PCAT7: variants seen among roughly 807,000 people sequenced by gnomAD.
PCAT7 encodes the protein prostate cancer associated transcript 7.
intron 2 of PCAT7, chr9:94,570,880 A>C (rs1353542503): frequency 6.6e-6 from 1 of 152,166 alleles, no homozygotes; most frequent in East Asian, 1.9e-4. Flanking sequence ...CGCTGTCTGG[A>C]GTGGTGCTTT....
chr9:94,569,475 G>A (rs1025965111), intron 2 of PCAT7: 2 of 152,252 alleles, frequency 1.3e-5, no homozygotes, highest in Non-Finnish European at 2.9e-5. Context: ...CTCACCACCT[G>A]AACAGAGGCG....
intron 3 of PCAT7, among the ~76,000 whole-genome samples, chr9:94,573,816 C>G (rs1390654061): frequency 6.6e-6 from 1 of 152,140 alleles, no homozygotes; most frequent in Non-Finnish European, 1.5e-5. Flanking sequence ...GTTTTTGTAT[C>G]AGGATAACAC....
chr9:94,563,249 G>T, intron 2 of PCAT7: 1 of 1,396,664 alleles, frequency 7.2e-7, no homozygotes. Context: ...GACATGCCAT[G>T]AAGCAGTGCA....
At chr9:94,573,513 C>T (rs1827289221) in intron 3 of PCAT7, among the ~76,000 whole-genome samples, 1 of 114,450 alleles carries the variant, frequency 8.7e-6, no homozygotes, top group South Asian at 3.0e-4. Flanking sequence ...CCTACCTCAG[C>T]AAGTTTCTTT....
chr9:94,555,891 G>A (rs989532980), intron 1 of PCAT7, among the ~76,000 whole-genome samples: 1 of 150,194 alleles, frequency 6.7e-6, no homozygotes, highest in Non-Finnish European at 1.5e-5. Flanking sequence ...AAAATAGTTT[G>A]GGGTAGATGG....
At chr9:94,555,573 A>T (rs1035325055) in intron 1 of PCAT7, among the ~76,000 whole-genome samples, 3 of 140,852 alleles carry the variant, frequency 2.1e-5, no homozygotes, top group African/African-American at 7.8e-5. Flanking sequence ...TGGGAAGAGG[A>T]AAGAGTGGTG....
intron 2 of PCAT7, chr9:94,568,411 T>G (rs609901): frequency 0.49 from 73,877 of 151,948 alleles, 18,569 homozygotes; most frequent in African/African-American, 0.6. Context: ...TCTGGTGATA[T>G]CAGTCACTAA....
chr9:94,563,567 C>G, intron 2 of PCAT7: 1 of 1,240,944 alleles, frequency 8.1e-7, no homozygotes, highest in East Asian at 2.4e-5. Context: ...TTCTTGAATC[C>G]CTATCCTCCA....
intron 2 of PCAT7, chr9:94,567,514 C>G: frequency 7.2e-7 from 1 of 1,386,002 alleles, no homozygotes. Context: ...GCTGGCAGAG[C>G]TGGGGCTTGG....
chr9:94,569,518 T>TA (rs1346749368), intron 2 of PCAT7: 1 of 152,286 alleles, frequency 6.6e-6, no homozygotes, highest in African/African-American at 2.4e-5. Flanking sequence ...GAAAACGCCT[T>TA]ACGTTGATCC....
chr9:94,562,127 T>A (rs376241248), intron 2 of PCAT7, among the ~76,000 whole-genome samples: 1 of 151,730 alleles, frequency 6.6e-6, no homozygotes, highest in Non-Finnish European at 1.5e-5. Flanking sequence ...CTGGCTAACA[T>A]GGTGAAACCC....
intron 2 of PCAT7, chr9:94,567,173 A>C: frequency 7.8e-7 from 1 of 1,274,480 alleles, no homozygotes. Context: ...AAACAGTGGC[A>C]CCAACCTCTT....
chr9:94,573,001 G>A (rs1395885407), exon 3 of PCAT7: 2 of 152,082 alleles, frequency 1.3e-5, no homozygotes, highest in African/African-American at 4.8e-5. Context: ...TTTCTACATA[G>A]ACCATCATGT....
intron 1 of PCAT7, among the ~76,000 whole-genome samples, chr9:94,557,894 C>G (rs1827033256): frequency 6.6e-6 from 1 of 152,208 alleles, no homozygotes; most frequent in African/African-American, 2.4e-5. Flanking sequence ...CAACCCCTCC[C>G]CAGTCTTAAC....
At chr9:94,565,311 G>A (rs1006714287) in intron 2 of PCAT7, among the ~76,000 whole-genome samples, 2 of 145,744 alleles carry the variant, frequency 1.4e-5, no homozygotes, top group Non-Finnish European at 3.0e-5. Context: ...GGAGGCGGAG[G>A]TTGCAGTGAG....
At chr9:94,570,093 T>C (rs693399) in intron 2 of PCAT7, 40,192 of 152,244 alleles carry the variant, frequency 0.26, 6,720 homozygotes, top group East Asian at 0.53. Context: ...CTCTTCCTTC[T>C]GTCATGTTGA....
intron 3 of PCAT7, among the ~76,000 whole-genome samples, chr9:94,574,510 G>A: frequency 6.6e-6 from 1 of 151,878 alleles, no homozygotes; most frequent in East Asian, 1.9e-4. Context: ...TCAACTTCTT[G>A]TTTATTTTAA....
chr9:94,567,278 ATT>A, intron 2 of PCAT7: 6 of 1,614,138 alleles, frequency 3.7e-6, no homozygotes, highest in Non-Finnish European at 5.1e-6. Context: ...ACCTCAGGGA[ATT>A]TCTTTTTCTG....
intron 2 of PCAT7, chr9:94,567,252 C>T (rs1470070929): frequency 1.9e-6 from 3 of 1,613,924 alleles, no homozygotes; most frequent in Non-Finnish European, 2.5e-6. Flanking sequence ...TGCCACCCAC[C>T]TGGCTTTCTT....
Sources: gnomAD v4.1 joint callset for allele counts (sites outside exome capture counted in the v4.1 genomes callset) on GRCh38, gnomAD v4.1.1 for gene constraint, MANE v1.5 for transcripts, NCBI Gene and HGNC (gene_info 2026-07-23, HGNC 2026-07-21) for gene names.